Variants in SELP observed in about 807,000 individuals in gnomAD.
SELP encodes the protein selectin P.
A neutral mutation model predicts 104.1 loss-of-function variants in SELP; 92 were observed. The ratio of observed to expected loss-of-function variants is 0.88; its 90% confidence interval spans 0.75 to 1.05. The LOEUF (loss-of-function observed/expected upper bound fraction) is 1.05. SELP is among the 50% of genes least tolerant of loss of function. The probability of loss-of-function intolerance (pLI) is 0.00; values close to 1 mark genes in which losing one functional copy is unlikely to be tolerated. For synonymous variants in SELP, 397 were observed against 364.5 expected (o/e 1.09, Z -1.01); for missense variants, 1,022 against 1,017.3 (o/e 1.00, Z -0.06).
intron 14 of SELP, among the ~76,000 whole-genome samples, chr1:169,592,882 A>G (rs1412494526): frequency 6.6e-6 from 1 of 152,174 alleles, no homozygotes; most frequent in African/African-American, 2.4e-5. Context: ...ACTGCGAAAC[A>G]TACCATCTTC....
At chr1:169,596,761 A>T (rs1414385974) in intron 11 of SELP, among the ~76,000 whole-genome samples, 3 of 152,248 alleles carry the variant, frequency 2.0e-5, no homozygotes, top group Non-Finnish European at 4.4e-5. Flanking sequence ...CTTTCAAAAA[A>T]AGAAGCCATG....
intron 7 of SELP, 93 bp from the exon 8 acceptor site, chr1:169,609,782 C>T: frequency 8.3e-7 from 1 of 1,203,616 alleles, no homozygotes; most frequent in South Asian, 1.5e-5. Flanking sequence ...TTCCTGTCCA[C>T]ATTTTCAGTG....
intron 1 of SELP, among the ~76,000 whole-genome samples, chr1:169,627,243 G>T (rs909814248): frequency 1.3e-5 from 2 of 152,106 alleles, no homozygotes; most frequent in Non-Finnish European, 2.9e-5. Flanking sequence ...TTAGTGGTGT[G>T]GCACAGATAT....
chr1:169,621,795 A>T (rs1663149517), intron 1 of SELP, among the ~76,000 whole-genome samples: 1 of 152,206 alleles, frequency 6.6e-6, no homozygotes, highest in African/African-American at 2.4e-5. Context: ...TATGATTTAC[A>T]GCTGTTTATT....
chr1:169,618,646 G>A (rs1662943910), intron 2 of SELP, among the ~76,000 whole-genome samples: 1 of 152,136 alleles, frequency 6.6e-6, no homozygotes, highest in Admixed American at 6.5e-5. Context: ...GACATTTCCA[G>A]GGCATTGTTT....
At chr1:169,609,758 T>C in intron 7 of SELP, 69 bp from the exon 8 acceptor site, 3 of 1,406,370 alleles carry the variant, frequency 2.1e-6, no homozygotes, top group Non-Finnish European at 2.9e-6. Flanking sequence ...AAAAAATTCC[T>C]AGATGCTATA....
At position 169,612,373 on chromosome 1, in the gene SELP, C is replaced by G. The variant is rs1201610783; in HGVS notation, c.805G>C (p.Glu269Gln). 4.3e-6 allele frequency: 7 copies of G among 1,613,966 alleles called. No individual in the cohort carries two copies. The African/African-American group carries it at 6.7e-5, about 15-fold the overall frequency. Reference sequence around the variant, plus strand: ...TGAAGGCAGGTCATGTTTCCTCGTTCAGGAATCTTCAGGGGTGGGCACTGG... The same window carrying G: ...TGAAGGCAGGTCATGTTTCCTCGTTGAGGAATCTTCAGGGGTGGGCACTGG... ...AAQCPPLKIP[E>Q]RGNMTCLHSA... The change falls in exon 6 of 17, where the codon GAA becomes CAA. Residue 269 changes from glutamate (E) to glutamine (Q), a missense_variant. Glu to Gln is a conservative substitution (Grantham distance 29). Coordinates refer to ENST00000263686, the MANE Select transcript of SELP (RefSeq NM_003005.4).
chr1:169,608,276 T>C (rs978110419), intron 8 of SELP, among the ~76,000 whole-genome samples: 2 of 152,106 alleles, frequency 1.3e-5, no homozygotes, highest in Non-Finnish European at 2.9e-5. Context: ...ATTCATATTA[T>C]TGTGCCACCA....
At chr1:169,602,621 AT>A (rs201316749) in intron 10 of SELP, among the ~76,000 whole-genome samples, 59 of 151,322 alleles carry the variant, frequency 3.9e-4, no homozygotes, top group African/African-American at 1.1e-3. Flanking sequence ...AAACTGTGCA[AT>A]TTTTTTTTGA....
At position 169,612,370 on chromosome 1, in the gene SELP, G is replaced by A. The variant is rs139249907; in HGVS notation, c.808C>T (p.Arg270Ter). ...GAATGAAGGCAGGTCATGTTTCCTC[G>A]TTCAGGAATCTTCAGGGGTGGGCAC... ...AQCPPLKIPE[R>*]GNMTCLHSAK... The change falls in exon 6 of 17, where the codon CGA (arginine) becomes TGA (stop). Residue 270 changes from arginine to a stop codon, truncating the protein, a stop_gained. Transcript: ENST00000263686. LOFTEE classifies it high-confidence loss of function. The A allele has an allele frequency of 8.2e-4, 1,322 of 1,614,054 alleles. 17 individuals are homozygous for A. The highest frequency in any genetic ancestry group is 3.8e-4 in the Non-Finnish European group (450 of 1,179,984).
intron 1 of SELP, 77 bp downstream of exon 1, chr1:169,629,995 C>T: frequency 3.1e-6 from 5 of 1,588,600 alleles, no homozygotes; most frequent in Non-Finnish European, 3.5e-6. Context: ...ACTTTCTGAA[C>T]CTTTACCTGC....
Position 169,589,248 on chromosome 1 carries a change from G to C in SELP, c.*215C>G, listed in dbSNP as rs533922762. On this transcript the variant is annotated 3_prime_UTR_variant, in exon 17 of 17. Coordinates refer to ENST00000263686, the MANE Select transcript of SELP (RefSeq NM_003005.4). Reference sequence around the variant, plus strand: ...CAAGTAACAGGTGAGTCAAAGCACAGAGACTACTGCAGAAACATTTGCTCC... The same window carrying C: ...CAAGTAACAGGTGAGTCAAAGCACACAGACTACTGCAGAAACATTTGCTCC... The C allele has an allele frequency of 6.6e-6, 1 of 152,216 alleles. No individual in the cohort carries two copies. The highest frequency in any genetic ancestry group is 1.5e-5 in the Non-Finnish European group (1 of 68,062). The allele number at this position is 152,216 out of a possible 1,614,324, so 9.4% of individuals were successfully genotyped here.
At chr1:169,609,863 G>T (rs1042602783) in intron 7 of SELP, among the ~76,000 whole-genome samples, 174 bp from the exon 8 acceptor site, 7 of 151,972 alleles carry the variant, frequency 4.6e-5, no homozygotes, top group Non-Finnish European at 8.8e-5. Context: ...GCCCCTCTTG[G>T]CCTGACTCAC....
At chr1:169,604,914 C>T (rs1035092045) in intron 9 of SELP, among the ~76,000 whole-genome samples, 3 of 152,140 alleles carry the variant, frequency 2.0e-5, no homozygotes, top group African/African-American at 7.2e-5. Context: ...ATTACAACAG[C>T]GAGTGGATTG....
intron 2 of SELP, among the ~76,000 whole-genome samples, chr1:169,618,550 T>C (rs1460376434): frequency 6.6e-6 from 1 of 152,184 alleles, no homozygotes; most frequent in Non-Finnish European, 1.5e-5. Flanking sequence ...ATGGGTTTCT[T>C]TCCTGTTTAT....
At chr1:169,612,902 A>T in intron 5 of SELP, 27 bp downstream of exon 5, 1 of 1,526,870 alleles carries the variant, frequency 6.5e-7, no homozygotes, top group Non-Finnish European at 8.8e-7. Flanking sequence ...TATGTCAGTG[A>T]GGATGAAAAG....
At chr1:169,609,767 T>G in intron 7 of SELP, 78 bp from the exon 8 acceptor site, 1 of 1,330,442 alleles carries the variant, frequency 7.5e-7, no homozygotes, top group Non-Finnish European at 1.0e-6. Context: ...CTAGATGCTA[T>G]ATCTTTCCTG....
At chr1:169,627,957 G>A (rs1663459591) in intron 1 of SELP, among the ~76,000 whole-genome samples, 1 of 152,204 alleles carries the variant, frequency 6.6e-6, no homozygotes. Flanking sequence ...GTTCAGTGGT[G>A]TGATCTCAAC....
intron 12 of SELP, 36 bp from the exon 13 acceptor site, chr1:169,594,913 T>G (rs1482185587): frequency 6.3e-7 from 1 of 1,580,182 alleles, no homozygotes; most frequent in Non-Finnish European, 8.7e-7. Flanking sequence ...AAACAACATG[T>G]GGATTGGAGG....
Sources: allele counts gnomAD v4.1 joint callset (sites outside exome capture counted in the v4.1 genomes callset), GRCh38; gene constraint gnomAD v4.1.1; transcripts MANE v1.5; gene names NCBI Gene and HGNC (gene_info 2026-07-23, HGNC 2026-07-21).